Variants in CARMIL3 observed in about 807,000 individuals in gnomAD.
CARMIL3 encodes capping protein regulator and myosin 1 linker 3.
CARMIL3 carries 88 observed loss-of-function variants against 180.8 expected under a neutral mutation model. That is an observed-to-expected ratio of 0.49 (90% confidence interval 0.41 to 0.58). CARMIL3 has a LOEUF of 0.58. Ranked by LOEUF, CARMIL3 falls within the 20% of genes least tolerant of loss-of-function variation. The probability of loss-of-function intolerance (pLI) is 0.00; values close to 1 mark genes in which losing one functional copy is unlikely to be tolerated. For synonymous variants in CARMIL3, 696 were observed against 714.5 expected (o/e 0.97, Z 0.41); for missense variants, 1,548 against 1,787.0 (o/e 0.87, Z 2.41).
In CARMIL3 at chr14:24,058,100, G is replaced by C. The variant is rs1405774856; in HGVS notation, c.1322+36G>C. On this transcript the variant is annotated intron_variant, in intron 16 of 39. Coordinates refer to ENST00000342740, the MANE Select transcript of CARMIL3 (RefSeq NM_138360.4). The surrounding 1 kb of genome is among the most constrained non-coding windows in gnomAD (Gnocchi z 6.4). ...TGCAGGGTTGGGGGCGCATCCAAGG[G>C]AACCACGGGGAGCGGGAAGAGGTAA... The C allele has an allele frequency of 6.2e-7, 1 of 1,613,652 alleles. No individual in the cohort carries two copies. The highest frequency in any genetic ancestry group is 8.5e-7 in the Non-Finnish European group (1 of 1,179,982).
At chr14:24,057,928 C>G (rs373521341) in intron 15 of CARMIL3, 32 bp from the exon 16 acceptor site, 2 of 1,613,072 alleles carry the variant, frequency 1.2e-6, no homozygotes, top group African/African-American at 2.7e-5. Flanking sequence ...GGCCAACCCC[C>G]TCCCTCGCTG....
Position 24,069,180 on chromosome 14 carries a change from G to A in CARMIL3, c.4026G>A (p.Lys1342=), listed in dbSNP as rs142330225. 3.1e-6 allele frequency: 5 copies of A among 1,613,964 alleles called. No homozygotes were observed. In the African/African-American group the frequency reaches 5.3e-5, roughly 17 times the overall value. Residue 1342 remains lysine, a synonymous_variant, in exon 39 of 40, where the codon AAG becomes AAA. Transcript: ENST00000342740. ...PGRRTAPLKP[K]RTRRAQSCDK... is the part of the protein sequence containing the mutation. ...GGCGGACTGCCCCCCTGAAGCCCAA[G>A]AGGACACGGCGGGCACAGTCCTGTG...
chr14:24,055,779 G>C lies in CARMIL3; in HGVS notation c.760G>C (p.Gly254Arg). 1 of 1,614,010 alleles carries C rather than the reference G, an allele frequency of 6.2e-7. No homozygotes were observed. The highest frequency in any genetic ancestry group is 8.5e-7 in the Non-Finnish European group (1 of 1,179,936). The change falls in exon 10 of 40, where the codon GGG becomes CGG. Residue 254 changes from glycine (G) to arginine (R), a missense_variant. By Grantham distance (125) the Gly-to-Arg change is moderately radical. Around this residue, in one of 4 missense-constraint regions of CARMIL3, gnomAD observed 578 missense variants for 666.5 expected, o/e 0.87. Transcript: ENST00000342740. ...CGAAGAGCTGGTGCTGGACAACGCCGGGCTTAAGACGTGAGGCCAGTCTCC... is the reference window on the plus strand; with the variant it reads ...CGAAGAGCTGGTGCTGGACAACGCCCGGCTTAAGACGTGAGGCCAGTCTCC... ...SLEELVLDNA[G>R]LKTDFVQKLA...
rs1209563709 is a variant in CARMIL3 at position 24,062,821 on chromosome 14, C to G, written c.2681C>G (p.Thr894Arg). Residue 894 changes from threonine to arginine, a missense_variant, in exon 29 of 40, where the codon ACA becomes AGA. This residue lies in a region of CARMIL3 where 668 missense variants were observed against 687.8 expected (regional missense o/e 0.97). Coordinates refer to ENST00000342740, the MANE Select transcript of CARMIL3 (RefSeq NM_138360.4). Reference sequence around the variant, plus strand: ...CGGAACCATGACCATGAGGAGACCACAGATGATGAACTTGGGACCAACATT... The same window carrying G: ...CGGAACCATGACCATGAGGAGACCAGAGATGATGAACTTGGGACCAACATT... ...RGRNHDHEET[T>R]DDELGTNIDT... The G allele has an allele frequency of 8.7e-6, 14 of 1,611,462 alleles. No homozygotes were observed. Among genetic ancestry groups the G allele is most frequent in the Non-Finnish European group, 1.1e-5 (13 of 1,178,940 alleles).
chr14:24,056,324 G>A lies in CARMIL3; in HGVS notation c.796G>A (p.Val266Met). ...GGACTTTGTCCAGAAGCTGGCCGGG[G>A]TGTTTGGGGAGAACGGGAGCTGTGT... ...KTDFVQKLAG[V>M]FGENGSCVLH... is the part of the protein sequence containing the mutation. The change falls in exon 11 of 40, where the codon GTG (valine) becomes ATG (methionine). Residue 266 changes from valine to methionine, a missense_variant. This residue lies in a region of CARMIL3 where 578 missense variants were observed against 666.5 expected (regional missense o/e 0.87). Coordinates refer to ENST00000342740, the MANE Select transcript of CARMIL3 (RefSeq NM_138360.4). 5.0e-6 allele frequency: 8 copies of A among 1,614,038 alleles called. No homozygotes were observed. The highest frequency in any genetic ancestry group is 5.9e-6 in the Non-Finnish European group (7 of 1,179,926).
chr14:24,065,720 C>G lies in CARMIL3; in HGVS notation c.3495C>G (p.Ala1165=). The G allele has an allele frequency of 1.9e-6, 3 of 1,614,094 alleles. No homozygotes were observed. Among genetic ancestry groups the G allele is most frequent in the Non-Finnish European group, 2.5e-6 (3 of 1,179,958 alleles). Residue 1165 remains alanine (A), a synonymous_variant, in exon 34 of 40, where the codon GCC becomes GCG. Transcript: ENST00000342740. ...TTGCCCTTCCCGGGTTGGAAAGAGC[C>G]AAGGGTTGGAGCTTCGATGGGAAAC... ...HGVALPGLER[A]KGWSFDGKRE...
intron 8 of CARMIL3, 71 bp from the exon 9 acceptor site, chr14:24,055,469 CCTA>C: frequency 6.4e-7 from 1 of 1,565,648 alleles, no homozygotes; most frequent in Non-Finnish European, 8.8e-7. Context: ...GCCCAACCAC[CCTA>C]TCCTTGGTCT....
At chr14:24,053,197 C>T (rs1223638075) in intron 1 of CARMIL3, among the ~76,000 whole-genome samples, 3 of 152,116 alleles carry the variant, frequency 2.0e-5, no homozygotes, top group Non-Finnish European at 4.4e-5. Context: ...CCACAGCATA[C>T]TCATTCACAC....
In CARMIL3 at chr14:24,058,604, T is replaced by G; in HGVS notation, c.1393-76T>G. 8.6e-7 allele frequency: 1 copy of G among 1,159,198 alleles called. No individual in the cohort carries two copies. Among genetic ancestry groups the G allele is most frequent in the Middle Eastern group, 2.8e-4 (1 of 3,622 alleles). The allele number at this position is 1,159,198 out of a possible 1,614,324, so 71.8% of individuals were successfully genotyped here. ...GCATGACTTTGAGTTCTGGTGTGAC[T>G]ACTATATCCTAAGCATTAAAGGTGC... On this transcript the variant is annotated intron_variant, in intron 17 of 39. Transcript: ENST00000342740. This position sits in a 1 kb window ranked among gnomAD's most constrained non-coding sequence, Gnocchi z 6.4.
In CARMIL3 at chr14:24,058,302, C is replaced by T; in HGVS notation, c.1392+78C>T. The T allele has an allele frequency of 1.4e-6, 2 of 1,480,990 alleles. No homozygotes were observed. Among genetic ancestry groups the T allele is most frequent in the South Asian group, 1.3e-5 (1 of 79,348 alleles). 91.7% of individuals were successfully genotyped at this position (1,480,990 alleles called of 1,614,324 possible). On this transcript the variant is annotated intron_variant, in intron 17 of 39. Coordinates refer to ENST00000342740, the MANE Select transcript of CARMIL3 (RefSeq NM_138360.4). This position sits in a 1 kb window ranked among gnomAD's most constrained non-coding sequence, Gnocchi z 6.4. Reference sequence around the variant, plus strand: ...TCAGACCTAAGTCAAACCCTGGCTCCATCTAGCCTCTGTGCTGACCCTCTG... The same window carrying T: ...TCAGACCTAAGTCAAACCCTGGCTCTATCTAGCCTCTGTGCTGACCCTCTG...
chr14:24,052,463 G>A (rs928415663), intron 1 of CARMIL3, among the ~76,000 whole-genome samples: 1 of 152,212 alleles, frequency 6.6e-6, no homozygotes, highest in Non-Finnish European at 1.5e-5. Context: ...CGCTCCCTGG[G>A]GCTGACTCTC....
chr14:24,065,670 G>A lies in CARMIL3; in HGVS notation c.3445G>A (p.Ala1149Thr), dbSNP rs934021335. The A allele has an allele frequency of 1.2e-6, 2 of 1,613,920 alleles. No individual in the cohort carries two copies. Among genetic ancestry groups the A allele is most frequent in the African/African-American group, 1.3e-5 (1 of 74,914 alleles). The change falls in exon 34 of 40, where the codon GCA (alanine) becomes ACA (threonine). Residue 1149 changes from alanine (A) to threonine (T), a missense_variant. Around this residue, in one of 4 missense-constraint regions of CARMIL3, gnomAD observed 668 missense variants for 687.8 expected, o/e 0.97. Coordinates refer to ENST00000342740, the MANE Select transcript of CARMIL3 (RefSeq NM_138360.4). ...GGAGGGGGGCCCAGCCCCTGGGACAGCACAGCAGCCAAGGGTTCACGGTGT... is the reference window on the plus strand; with the variant it reads ...GGAGGGGGGCCCAGCCCCTGGGACAACACAGCAGCCAAGGGTTCACGGTGT... ...PGEGGPAPGTAQQPRVHGVAL... is the reference protein window; with the variant it reads ...PGEGGPAPGTTQQPRVHGVAL...
Position 24,057,793 on chromosome 14 carries a change from C to T in CARMIL3, c.1141-10C>T, listed in dbSNP as rs1199080321. ...AGCTCCCCTGAGACCCACCATATCT[C>T]CCCCCACAGCTTCTCGGTGCCCTGC... is the stretch of plus-strand genomic sequence containing the variant. On this transcript the variant is annotated splice_polypyrimidine_tract_variant and intron_variant, in intron 14 of 39. Coordinates refer to ENST00000342740, the MANE Select transcript of CARMIL3 (RefSeq NM_138360.4). 3.1e-6 allele frequency: 5 copies of T among 1,606,596 alleles called. No individual in the cohort carries two copies. In the South Asian group the frequency reaches 5.5e-5, roughly 18 times the overall value.
chr14:24,060,901 C>G (rs1263597419), intron 25 of CARMIL3, 26 bp from the exon 26 acceptor site: 1 of 1,548,304 alleles, frequency 6.5e-7, no homozygotes, highest in African/African-American at 1.4e-5. Flanking sequence ...TTCTGGCCTG[C>G]TAATCATAAC....
At chr14:24,068,014 G>A (rs1215501314) in intron 36 of CARMIL3, among the ~76,000 whole-genome samples, 1 of 152,270 alleles carries the variant, frequency 6.6e-6, no homozygotes, top group East Asian at 1.9e-4. Context: ...GCACTGCTCT[G>A]CAAGAGGGAC....
Sources: allele counts gnomAD v4.1 joint callset (sites outside exome capture counted in the v4.1 genomes callset), GRCh38; gene constraint gnomAD v4.1.1; regional missense constraint gnomAD v4.1.1; non-coding constraint Gnocchi (gnomAD v3.1); transcripts MANE v1.5; gene names NCBI Gene and HGNC (gene_info 2026-07-23, HGNC 2026-07-21).